The following CACNA1A variants were observed in gnomAD, a reference collection of about 807,000 sequenced individuals.
CACNA1A encodes calcium voltage-gated channel subunit alpha1 A.
CACNA1A carries 57 observed loss-of-function variants against 262.4 expected under a neutral mutation model. That is an observed-to-expected ratio of 0.22 (90% CI 0.18 to 0.27). CACNA1A has a LOEUF of 0.27. Ranked by LOEUF, CACNA1A falls within the 10% of genes least tolerant of loss-of-function variation. The pLI is 1.00. For synonymous variants in CACNA1A, 1,431 were observed against 1,419.3 expected (o/e 1.01, Z -0.18); for missense variants, 2,526 against 3,562.8 (o/e 0.71, Z 7.41).
At chr19:13,339,733 T>G (rs890251548) in intron 6 of CACNA1A, among the ~76,000 whole-genome samples, 1 of 151,226 alleles carries the variant, frequency 6.6e-6, no homozygotes, top group African/African-American at 2.4e-5. Flanking sequence ...AAAAAAATAT[T>G]AGGATGGTAA....
chr19:13,335,814 C>T lies in CACNA1A; in HGVS notation c.1074G>A (p.Val358=), dbSNP rs1218466668. Residue 358 remains valine (V), a synonymous_variant, in exon 7 of 47, where the codon GTG becomes GTA. Coordinates refer to ENST00000360228, the MANE Select transcript of CACNA1A (RefSeq NM_001127222.2). ...SFFMLNLVLG[V]LSGEFAKERE... ...GAGTAGCAGAAACTTACCCTGACAG[C>T]ACACCCAGCACAAGGTTCAGCATAA... The T allele has an allele frequency of 1.2e-6, 2 of 1,606,332 alleles. No homozygotes were observed. Among genetic ancestry groups the T allele is most frequent in the South Asian group, 1.1e-5 (1 of 89,788 alleles).
intron 19 of CACNA1A, among the ~76,000 whole-genome samples, chr19:13,290,386 GTGTGTGTC>G (rs1488892681): frequency 7.9e-6 from 1 of 127,380 alleles, no homozygotes; most frequent in Non-Finnish European, 1.7e-5. Flanking sequence ...TGTAATGTGT[GTGTGTGTC>G]TGTGTGTGTC....
chr19:13,338,719 G>A (rs1188329870), intron 6 of CACNA1A, among the ~76,000 whole-genome samples: 2 of 152,156 alleles, frequency 1.3e-5, no homozygotes, highest in Non-Finnish European at 2.9e-5. Context: ...CTAGGAACAG[G>A]ATATGAGGGG....
intron 1 of CACNA1A, among the ~76,000 whole-genome samples, chr19:13,474,067 G>A (rs191752045): frequency 6.6e-6 from 1 of 152,278 alleles, no homozygotes; most frequent in Admixed American, 6.5e-5. Context: ...CATATTCTGT[G>A]TCTCCAAAAG....
At chr19:13,319,830 G>A (rs748831510) in intron 10 of CACNA1A, among the ~76,000 whole-genome samples, 1 of 152,160 alleles carries the variant, frequency 6.6e-6, no homozygotes, top group African/African-American at 2.4e-5. Context: ...CTAGGAAGTA[G>A]GGACCAGCGT....
intron 3 of CACNA1A, among the ~76,000 whole-genome samples, chr19:13,410,505 T>C (rs1432335983): frequency 1.3e-5 from 2 of 151,504 alleles, no homozygotes; most frequent in South Asian, 2.1e-4. Context: ...TGTGAGTCAT[T>C]GTGCCTGGCC....
At chr19:13,399,462 A>G (rs1471779432) in intron 3 of CACNA1A, among the ~76,000 whole-genome samples, 1 of 151,836 alleles carries the variant, frequency 6.6e-6, no homozygotes, top group Non-Finnish European at 1.5e-5. Flanking sequence ...GAAGAGATGT[A>G]GGGCTTGGGA....
At chr19:13,400,195 GGT>G (rs147950353) in intron 3 of CACNA1A, among the ~76,000 whole-genome samples, 10 of 151,896 alleles carry the variant, frequency 6.6e-5, no homozygotes, top group Admixed American at 2.6e-4. Context: ...CACTTGAACA[GGT>G]GTGTGTGTGT....
intron 1 of CACNA1A, among the ~76,000 whole-genome samples, chr19:13,457,924 G>A (rs941244847): frequency 1.3e-5 from 2 of 151,026 alleles, no homozygotes; most frequent in Non-Finnish European, 2.9e-5. Context: ...AAAACATTAT[G>A]CCAAGCGAAA....
In CACNA1A at chr19:13,275,841, G is replaced by C. The variant is rs764043201; in HGVS notation, c.3989+9C>G. 6.3e-7 allele frequency: 1 copy of C among 1,586,042 alleles called. No homozygotes were observed. The highest frequency in any genetic ancestry group is 8.7e-7 in the Non-Finnish European group (1 of 1,154,532). ...AAGAGGCAAGAGGAACCCTTGCGAG[G>C]AGACTTACGTGAAGGCAAAGGCTAC... On this transcript the variant is annotated intron_variant, in intron 24 of 46. Coordinates refer to ENST00000360228, the MANE Select transcript of CACNA1A (RefSeq NM_001127222.2).
At chr19:13,314,602 G>A (rs941786848) in intron 11 of CACNA1A, among the ~76,000 whole-genome samples, 1 of 152,132 alleles carries the variant, frequency 6.6e-6, no homozygotes, top group Non-Finnish European at 1.5e-5. Context: ...GCCAGACAGG[G>A]AAACCTGCCA....
At chr19:13,211,834 A>T in intron 43 of CACNA1A, 1 of 421,636 alleles carries the variant, frequency 2.4e-6, no homozygotes, top group South Asian at 3.2e-5. Context: ...CAACCAGGGC[A>T]GCCAGAGACC....
chr19:13,283,233 C>T (rs1228234732), intron 22 of CACNA1A, 34 bp downstream of exon 22: 2 of 1,604,652 alleles, frequency 1.2e-6, no homozygotes, highest in African/African-American at 2.7e-5. Context: ...GCAGAGCAGC[C>T]AGGCTAGGAA....
intron 24 of CACNA1A, among the ~76,000 whole-genome samples, chr19:13,264,772 C>T (rs1464045154): frequency 2.0e-5 from 3 of 152,148 alleles, no homozygotes; most frequent in African/African-American, 4.8e-5. Flanking sequence ...TGTGCTATTT[C>T]GGAGTTAATC....
chr19:13,332,912 G>A lies in CACNA1A; in HGVS notation c.1212C>T (p.Leu404=), dbSNP rs540579196. The change falls in exon 9 of 47, where the codon CTC becomes CTT. Residue 404 remains leucine (L), a synonymous_variant. Transcript: ENST00000360228. ...EWISKAEEVI[L]AEDETDGEQR... Reference sequence around the variant, plus strand: ...GCTCCCCGTCAGTTTCATCCTCGGCGAGGATCACCTCTTCTGAAGAGGAAG... The same window carrying A: ...GCTCCCCGTCAGTTTCATCCTCGGCAAGGATCACCTCTTCTGAAGAGGAAG... 12 of 1,612,184 alleles carry A rather than the reference G, an allele frequency of 7.4e-6. No homozygotes were observed. The East Asian group carries it at 1.3e-4, about 18-fold the overall frequency.
intron 34 of CACNA1A, among the ~76,000 whole-genome samples, chr19:13,232,758 C>G (rs1274415249): frequency 1.4e-5 from 2 of 143,768 alleles, no homozygotes; most frequent in East Asian, 4.2e-4. Flanking sequence ...AAAAAAAAAG[C>G]TCCCTTCAGG....
rs561241804 is a variant in CACNA1A, at chr19:13,478,317, T to C, written c.294-23105A>G. 1.5e-4 allele frequency among the ~76,000 whole-genome samples: 23 copies of C among 152,176 alleles called. No individual in the cohort carries two copies. The South Asian group carries it at 4.6e-3, about 30-fold the overall frequency. On this transcript the variant is annotated intron_variant, in intron 1 of 46. Transcript: ENST00000360228. The stretch of plus-strand genomic sequence containing the variant: ...AGAGGAAACCTAAAGGTTTTATTAT[T>C]GTTGTTGTTGCTGTCATTTTTACAG...
intron 3 of CACNA1A, among the ~76,000 whole-genome samples, chr19:13,436,675 T>C (rs2060618674): frequency 6.6e-6 from 1 of 152,196 alleles, no homozygotes; most frequent in African/African-American, 2.4e-5. Context: ...GGTTCTGTCT[T>C]TACCCCCCAG....
chr19:13,270,415 T>C (rs1352577403), intron 24 of CACNA1A, among the ~76,000 whole-genome samples: 1 of 69,732 alleles, frequency 1.4e-5, no homozygotes, highest in Admixed American at 2.0e-4. Flanking sequence ...GGGTGGGGGG[T>C]GGGGGGCGGG....
Sources: gnomAD v4.1 joint callset for allele counts (sites outside exome capture counted in the v4.1 genomes callset) on GRCh38, gnomAD v4.1.1 for gene constraint, MANE v1.5 for transcripts, NCBI Gene and HGNC (gene_info 2026-07-23, HGNC 2026-07-21) for gene names.